TMEM30A: variants seen among roughly 807,000 people sequenced by gnomAD.
TMEM30A encodes the protein cell cycle control protein 50A.
Under a neutral mutation model 38.2 loss-of-function variants are expected in TMEM30A, and 24 were observed. The observed-to-expected ratio is 0.63, with a 90% confidence interval of 0.46 to 0.88. The LOEUF is 0.88. TMEM30A is among the 40% of genes least tolerant of loss of function. The probability of loss-of-function intolerance (pLI) is 0.00; values close to 1 mark genes in which losing one functional copy is unlikely to be tolerated. For missense variants in TMEM30A, 370 were observed against 458.6 expected, an observed-to-expected ratio of 0.81 and a Z score of 1.77; for synonymous variants, 145 against 161.6, an observed-to-expected ratio of 0.90 and a Z score of 0.78.
chr6:75,268,752 G>A (rs1322766595), intron 1 of TMEM30A, among the ~76,000 whole-genome samples: 1 of 152,062 alleles, frequency 6.6e-6, no homozygotes, highest in Non-Finnish European at 1.5e-5. Flanking sequence ...AGTGAGAATG[G>A]TCTTGGGAAC....
At chr6:75,282,169 G>A (rs1772369344) in intron 1 of TMEM30A, among the ~76,000 whole-genome samples, 1 of 152,158 alleles carries the variant, frequency 6.6e-6, no homozygotes, top group African/African-American at 2.4e-5. Flanking sequence ...GGCTCTTCAA[G>A]TAAAGAAATT....
At chr6:75,265,372 A>G in intron 2 of TMEM30A, 34 bp from the exon 3 acceptor site, 1 of 1,300,394 alleles carries the variant, frequency 7.7e-7, no homozygotes, top group Non-Finnish European at 1.1e-6. Flanking sequence ...ATTTTCATAT[A>G]AAAACTATTC....
intron 6 of TMEM30A, 139 bp from the exon 7 acceptor site, chr6:75,256,434 TCACA>T (rs61289920): frequency 2.6e-3 from 1,362 of 518,636 alleles, no homozygotes; most frequent in South Asian, 4.4e-3. Context: ...ACGTTCTAAA[TCACA>T]CACACACACA....
At position 75,253,547 on chromosome 6, in the gene TMEM30A, A is replaced by T. The variant is rs1441576351; in HGVS notation, c.*2555T>A. On this transcript the variant is annotated 3_prime_UTR_variant, in exon 7 of 7. Transcript: ENST00000230461. ...ACTCACTGACGCTGTGTTAAAATTT[A>T]GTGCTAAATGTAAGCAACAACACTG... 6.6e-6 allele frequency: 1 copy of T among 152,658 alleles called. No homozygotes were observed. Among genetic ancestry groups the T allele is most frequent in the African/African-American group, 2.4e-5 (1 of 41,470 alleles). The allele number at this position is 152,658 out of a possible 1,614,324, so 9.5% of individuals were successfully genotyped here.
At chr6:75,271,360 A>G (rs551306950) in intron 1 of TMEM30A, among the ~76,000 whole-genome samples, 76 of 152,314 alleles carry the variant, frequency 5.0e-4, no homozygotes, top group Non-Finnish European at 8.4e-4. Context: ...GTAATCACTG[A>G]ATATTAAATT....
intron 1 of TMEM30A, among the ~76,000 whole-genome samples, chr6:75,283,903 G>A (rs370878181): frequency 2.6e-5 from 4 of 152,074 alleles, no homozygotes; most frequent in East Asian, 1.9e-4. Flanking sequence ...ATACCTCTAC[G>A]ACTCTGGTTC....
chr6:75,276,996 A>T (rs1772272018), intron 1 of TMEM30A, among the ~76,000 whole-genome samples: 1 of 148,496 alleles, frequency 6.7e-6, no homozygotes, highest in African/African-American at 2.6e-5. Flanking sequence ...TTGGTTCTTT[A>T]TTCAAATGCC....
At chr6:75,264,333 A>G (rs369731103) in intron 3 of TMEM30A, among the ~76,000 whole-genome samples, 83 of 152,304 alleles carry the variant, frequency 5.4e-4, no homozygotes, top group African/African-American at 1.9e-3. Flanking sequence ...TGCATTGGCA[A>G]CAGTAACATA....
intron 1 of TMEM30A, among the ~76,000 whole-genome samples, chr6:75,277,442 T>C (rs1772281472): frequency 6.6e-6 from 1 of 152,214 alleles, no homozygotes; most frequent in Non-Finnish European, 1.5e-5. Flanking sequence ...ATAGTTTTAT[T>C]ATGAAATACA....
At chr6:75,257,889 G>A (rs964420933) in intron 6 of TMEM30A, among the ~76,000 whole-genome samples, 3 of 152,154 alleles carry the variant, frequency 2.0e-5, no homozygotes, top group African/African-American at 7.2e-5. Context: ...AATATTGAGA[G>A]ATCTCTTCAC....
intron 1 of TMEM30A, among the ~76,000 whole-genome samples, chr6:75,270,237 T>C (rs1052838165): frequency 1.3e-5 from 2 of 152,238 alleles, no homozygotes; most frequent in Non-Finnish European, 2.9e-5. Flanking sequence ...ATTTTCACCA[T>C]CCTACTAGGT....
At chr6:75,261,025 A>G in intron 3 of TMEM30A, 114 bp from the exon 4 acceptor site, 1 of 630,830 alleles carries the variant, frequency 1.6e-6, no homozygotes, top group Non-Finnish European at 2.7e-6. Flanking sequence ...TCTCACTTAT[A>G]ATACACAGGT....
intron 1 of TMEM30A, among the ~76,000 whole-genome samples, chr6:75,279,298 C>T (rs1040038564): frequency 5.3e-5 from 8 of 152,160 alleles, no homozygotes; most frequent in African/African-American, 1.9e-4. Flanking sequence ...CACCCTTTAT[C>T]AGCTAAAATT....
intron 1 of TMEM30A, among the ~76,000 whole-genome samples, chr6:75,268,332 G>A (rs376840194): frequency 6.6e-6 from 1 of 152,214 alleles, no homozygotes; most frequent in East Asian, 1.9e-4. Flanking sequence ...TAGTTAACAA[G>A]ATGACTCAGG....
At position 75,258,767 on chromosome 6, in the gene TMEM30A, C is replaced by T; in HGVS notation, c.892+13G>A. 6.2e-7 allele frequency: 1 copy of T among 1,612,512 alleles called. No individual in the cohort carries two copies. The highest frequency in any genetic ancestry group is 8.5e-7 in the Non-Finnish European group (1 of 1,179,044). On this transcript the variant is annotated intron_variant, in intron 6 of 6. Coordinates refer to ENST00000230461, the MANE Select transcript of TMEM30A (RefSeq NM_018247.4). ...AGCTCTATGAATCTGTATACCCAGC[C>T]AAAAAAGGATACTGTATGTGACATT...
chr6:75,269,706 T>C (rs1772134406), intron 1 of TMEM30A, among the ~76,000 whole-genome samples: 1 of 151,534 alleles, frequency 6.6e-6, no homozygotes, highest in South Asian at 2.1e-4. Context: ...TGCTTTTTCT[T>C]TTTTTTTTGA....
intron 4 of TMEM30A, among the ~76,000 whole-genome samples, chr6:75,260,233 G>A (rs1381293337): frequency 6.6e-6 from 1 of 151,846 alleles, no homozygotes; most frequent in East Asian, 1.9e-4. Context: ...GTGAAACCCC[G>A]TCTCTACTAA....
At chr6:75,268,060 T>A (rs564568729) in intron 1 of TMEM30A, among the ~76,000 whole-genome samples, 1 of 152,232 alleles carries the variant, frequency 6.6e-6, no homozygotes, top group Non-Finnish European at 1.5e-5. Flanking sequence ...TCTAAACTAT[T>A]AAAATACTAG....
intron 6 of TMEM30A, among the ~76,000 whole-genome samples, 161 bp downstream of exon 6, chr6:75,258,619 C>T (rs191796416): frequency 2.6e-5 from 4 of 152,214 alleles, no homozygotes; most frequent in South Asian, 2.1e-4. Context: ...TTCTAGAAGA[C>T]GTAAATTTAA....
Sources: gnomAD v4.1 joint callset for allele counts (sites outside exome capture counted in the v4.1 genomes callset) on GRCh38, gnomAD v4.1.1 for gene constraint, MANE v1.5 for transcripts, NCBI Gene and HGNC (gene_info 2026-07-23, HGNC 2026-07-21) for gene names.